MAF: variants seen among roughly 807,000 people sequenced by gnomAD.
MAF encodes transcription factor Maf.
MAF carries 10 observed loss-of-function variants against 22.0 expected under a neutral mutation model. The observed-to-expected ratio is 0.45, with a 90% CI of 0.28 to 0.77. The LOEUF (loss-of-function observed/expected upper bound fraction) is 0.77, where lower values mean the gene tolerates loss of function less well. Ranked by LOEUF, MAF falls within the 30% of genes least tolerant of loss-of-function variation. MAF has a pLI of 0.12. For synonymous variants in MAF, 337 were observed against 255.8 expected, an observed-to-expected ratio of 1.32 and a Z score of -3.03; for missense variants, 544 against 548.4, an observed-to-expected ratio of 0.99 and a Z score of 0.08.
chr16:79,218,459 G>C, the MAF span, among the ~76,000 whole-genome samples: 3 of 152,126 alleles, frequency 2.0e-5, no homozygotes, highest in Non-Finnish European at 4.4e-5. Context: ...TTTGTAGAGC[G>C]TAGAACTGGA....
chr16:79,310,654 A>T, the MAF span, among the ~76,000 whole-genome samples: 19 of 152,152 alleles, frequency 1.2e-4, no homozygotes. Context: ...TCACGAACTG[A>T]GATCCCTTCT....
chr16:79,340,915 C>T, the MAF span, among the ~76,000 whole-genome samples: 3 of 152,200 alleles, frequency 2.0e-5, no homozygotes, highest in East Asian at 3.9e-4. Context: ...ACATTAAAAT[C>T]GATAGAAACA....
chr16:79,599,294 C>T lies in MAF; in HGVS notation c.609G>A (p.Ala203=). ...HHPTAGAPGA[A]GSAAASAGGA... is the part of the protein sequence containing the mutation. ...CACCGGCCGAGGCGGCCGCGCTGCC[C>T]GCGGCGCCGGGCGCGCCGGCCGTCG... Residue 203 remains alanine, a synonymous_variant, in exon 1 of 2, where the codon GCG becomes GCA. Coordinates refer to ENST00000326043, the MANE Select transcript of MAF (RefSeq NM_005360.5). 1 of 979,996 alleles carries T rather than the reference C, an allele frequency of 1.0e-6. No homozygotes were observed. The highest frequency in any genetic ancestry group is 1.2e-6 in the Non-Finnish European group (1 of 828,116). The allele number at this position is 979,996 out of a possible 1,614,324, so 60.7% of individuals were successfully genotyped here.
chr16:79,206,319 ATT>A, the MAF span: 1 of 152,162 alleles, frequency 6.6e-6, no homozygotes, highest in African/African-American at 2.4e-5. Context: ...ACGTGCAAAT[ATT>A]TGTGTCACAT....
the MAF span, among the ~76,000 whole-genome samples, chr16:79,577,581 C>T: frequency 9.2e-5 from 14 of 152,194 alleles, no homozygotes; most frequent in African/African-American, 3.4e-4. Context: ...GGGTGACCTC[C>T]AAAGGGCAGG....
At chr16:79,381,635 T>C in the MAF span, among the ~76,000 whole-genome samples, 2 of 152,194 alleles carry the variant, frequency 1.3e-5, no homozygotes, top group Non-Finnish European at 2.9e-5. Context: ...TGTCACTCTG[T>C]CTGGGGGCCC....
At chr16:79,264,667 G>A in the MAF span, 2 of 152,176 alleles carry the variant, frequency 1.3e-5, no homozygotes, top group South Asian at 4.1e-4. Context: ...TCATCTTTTG[G>A]GAGATGTCTT....
chr16:79,362,837 A>G, the MAF span, among the ~76,000 whole-genome samples: 1 of 152,260 alleles, frequency 6.6e-6, no homozygotes, highest in South Asian at 2.1e-4. Flanking sequence ...CTTTGCTCTT[A>G]CAAAAGAGAA....
the MAF span, among the ~76,000 whole-genome samples, chr16:79,575,047 T>C: frequency 1.3e-5 from 2 of 151,082 alleles, no homozygotes; most frequent in Non-Finnish European, 2.9e-5. Flanking sequence ...TTAATACTGA[T>C]GTCTGAGCCC....
At chr16:79,252,734 C>A in the MAF span, among the ~76,000 whole-genome samples, 82 of 152,246 alleles carry the variant, frequency 5.4e-4, no homozygotes, top group African/African-American at 1.9e-3. Context: ...AGGTGATCCG[C>A]CCGCCTCAGG....
At chr16:79,325,500 A>T in the MAF span, among the ~76,000 whole-genome samples, 1 of 152,096 alleles carries the variant, frequency 6.6e-6, no homozygotes, top group Non-Finnish European at 1.5e-5. Context: ...GTAAGTGGAA[A>T]GCAGGATTTG....
At chr16:79,278,819 G>T in the MAF span, among the ~76,000 whole-genome samples, 5 of 152,144 alleles carry the variant, frequency 3.3e-5, no homozygotes, top group African/African-American at 1.2e-4. Flanking sequence ...GCCCCCAAGT[G>T]TCTGCCCCTT....
chr16:79,562,716 C>G, the MAF span, among the ~76,000 whole-genome samples: 2 of 152,140 alleles, frequency 1.3e-5, no homozygotes, highest in South Asian at 2.1e-4. Context: ...AGGCCACCCA[C>G]TCACCACAAA....
chr16:79,467,535 T>G, the MAF span, among the ~76,000 whole-genome samples: 1 of 152,162 alleles, frequency 6.6e-6, no homozygotes, highest in Admixed American at 6.5e-5. Flanking sequence ...AGTGTGTAAG[T>G]AGGATGTGAA....
At chr16:79,408,078 CAA>C in the MAF span, among the ~76,000 whole-genome samples, 70 of 81,574 alleles carry the variant, frequency 8.6e-4, no homozygotes, top group African/African-American at 2.9e-3. Flanking sequence ...TTTTACCTTT[CAA>C]AAAAAAAAAA....
At chr16:79,360,051 G>T in the MAF span, among the ~76,000 whole-genome samples, 1 of 152,278 alleles carries the variant, frequency 6.6e-6, no homozygotes, top group Middle Eastern at 3.4e-3. Flanking sequence ...GTGGCTTTCA[G>T]GTTCATGCAA....
At chr16:79,500,198 T>G in the MAF span, among the ~76,000 whole-genome samples, 16 of 152,176 alleles carry the variant, frequency 1.1e-4, no homozygotes, top group Non-Finnish European at 1.9e-4. Context: ...CAGTTTGTAG[T>G]ATTTTGTTAC....
the MAF span, among the ~76,000 whole-genome samples, chr16:79,401,158 G>T: frequency 6.6e-6 from 1 of 152,226 alleles, no homozygotes; most frequent in South Asian, 2.1e-4. Flanking sequence ...CCTCACTCCT[G>T]ATCAGAGACC....
chr16:79,533,722 C>A, the MAF span, among the ~76,000 whole-genome samples: 2 of 152,116 alleles, frequency 1.3e-5, no homozygotes, highest in Non-Finnish European at 2.9e-5. Flanking sequence ...TATTTCAATA[C>A]CAGTGACCTC....
Sources: gnomAD v4.1 joint callset for allele counts (sites outside exome capture counted in the v4.1 genomes callset) on GRCh38, gnomAD v4.1.1 for gene constraint, MANE v1.5 for transcripts, NCBI Gene and HGNC (gene_info 2026-07-23, HGNC 2026-07-21) for gene names.